The following CHFR variants were observed in gnomAD, a reference collection of about 807,000 sequenced individuals.
CHFR encodes E3 ubiquitin-protein ligase CHFR.
Under a neutral mutation model 87.6 loss-of-function variants are expected in CHFR, and 57 were observed. The observed-to-expected ratio is 0.65, with a 90% CI of 0.53 to 0.81. The LOEUF (loss-of-function observed/expected upper bound fraction) is 0.81. Ranked by LOEUF, CHFR falls within the 30% of genes least tolerant of loss-of-function variation. CHFR has a pLI of 0.00. For missense variants in CHFR, 797 were observed against 865.8 expected (o/e 0.92, Z 1.00); for synonymous variants, 381 against 359.2 (o/e 1.06, Z -0.69).
At position 132,877,591 on chromosome 12, in the gene CHFR, TCCA is replaced by T; in HGVS notation, c.194_196del (p.Val65del). The T allele has an allele frequency of 6.2e-7, 1 of 1,613,518 alleles. No homozygotes were observed. The highest frequency in any genetic ancestry group is 8.5e-7 in the Non-Finnish European group (1 of 1,179,666). On this transcript the variant is annotated inframe_deletion, in exon 3 of 18. Coordinates refer to ENST00000450056, the MANE Select transcript of CHFR (RefSeq NM_001161346.2). Reference sequence around the variant, plus strand: ...CAGTGTCACCTGACCTGATTTTTCATCCACTACAATTCTACAGTGATCTCCAGA... The same window carrying T: ...CAGTGTCACCTGACCTGATTTTTCATCTACAATTCTACAGTGATCTCCAGA...
At chr12:132,846,955 T>G in intron 15 of CHFR, 88 bp downstream of exon 15, 1 of 907,794 alleles carries the variant, frequency 1.1e-6, no homozygotes, top group Non-Finnish European at 1.8e-6. Flanking sequence ...TGGGTGAAGG[T>G]CGGAGTTGTC....
Position 132,853,593 on chromosome 12 carries a change from C to G in CHFR, c.1230-20G>C. 6.6e-7 allele frequency: 1 copy of G among 1,519,764 alleles called. No individual in the cohort carries two copies. The highest frequency in any genetic ancestry group is 8.8e-7 in the Non-Finnish European group (1 of 1,138,820). The allele number at this position is 1,519,764 out of a possible 1,614,324, so 94.1% of individuals were successfully genotyped here. A position where few individuals can be genotyped will look rare whatever the true frequency, so the allele number is the denominator to read the frequency against. ...GGCTGGCTGCAAGGAAGCACAGGGC[C>G]GAGCTGTGTGCAGGCCCCAAGCCTC... is the stretch of plus-strand genomic sequence containing the variant. On this transcript the variant is annotated intron_variant, in intron 10 of 17. Transcript: ENST00000450056.
In CHFR at chr12:132,837,673, G is replaced by C. The variant is rs746029516; in HGVS notation, c.*3881C>G. 1 of 152,342 alleles carries C rather than the reference G, an allele frequency of 6.6e-6. No homozygotes were observed. Among genetic ancestry groups the C allele is most frequent in the Non-Finnish European group, 1.5e-5 (1 of 68,130 alleles). 9.4% of individuals were successfully genotyped at this position (152,342 alleles called of 1,614,324 possible). ...CGTTTCTGGAGGTGGCTCCCCCGAAGATCACCCGGCTCCGTCCTGCTGCTG... is the reference window on the plus strand; with the variant it reads ...CGTTTCTGGAGGTGGCTCCCCCGAACATCACCCGGCTCCGTCCTGCTGCTG... On this transcript the variant is annotated 3_prime_UTR_variant, in exon 18 of 18. Coordinates refer to ENST00000450056, the MANE Select transcript of CHFR (RefSeq NM_001161346.2).
At position 132,887,291 on chromosome 12, in the gene CHFR, G is replaced by A. The variant is rs1407689006; in HGVS notation, c.38C>T (p.Pro13Leu). The change falls in exon 2 of 18, where the codon CCG becomes CTG. Residue 13 changes from proline to leucine, a missense_variant. Transcript: ENST00000450056. ...RPEEGKQSPPPQPWGRLLRLG... is the reference protein window; with the variant it reads ...RPEEGKQSPPLQPWGRLLRLG... ...ACGCAGGAGCCGTCCCCAGGGCTGC[G>A]GCGGCGGCGACTGCTTGCCTTCCTC... 6.8e-7 allele frequency: 1 copy of A among 1,481,290 alleles called. No homozygotes were observed. Among genetic ancestry groups the A allele is most frequent in the Admixed American group, 2.4e-5 (1 of 42,118 alleles). 91.8% of individuals were successfully genotyped at this position (1,481,290 alleles called of 1,614,324 possible).
intron 6 of CHFR, chr12:132,862,329 A>G (rs922085688): frequency 2.8e-6 from 1 of 351,012 alleles, no homozygotes; most frequent in Admixed American, 3.8e-5. Flanking sequence ...CATGGGGCTC[A>G]CACCTGTAAT....
Position 132,847,045 on chromosome 12 carries a change from G to T in CHFR, c.1733C>A (p.Ser578Tyr). The change falls in exon 15 of 18, where the codon TCT (serine) becomes TAT (tyrosine). Residue 578 changes from serine (S) to tyrosine (Y), a missense_variant and splice_region_variant. By Grantham distance (144) the Ser-to-Tyr change is moderately radical. Around this residue, in one of 2 missense-constraint regions of CHFR, gnomAD observed 200 missense variants for 264.6 expected, o/e 0.76. Transcript: ENST00000450056. ...VALQRGVFLL[S>Y]DYRVTGDTVL... Reference sequence around the variant, plus strand: ...CAGGAGGCAACAGAAGAACTCACCAGACAGCAGAAACACTCCCCGCTGGAG... The same window carrying T: ...CAGGAGGCAACAGAAGAACTCACCATACAGCAGAAACACTCCCCGCTGGAG... 1.2e-6 allele frequency: 2 copies of T among 1,611,426 alleles called. No homozygotes were observed. The highest frequency in any genetic ancestry group is 1.7e-6 in the Non-Finnish European group (2 of 1,177,862).
At chr12:132,853,409 G>T in intron 11 of CHFR, 22 bp downstream of exon 11, 1 of 1,498,674 alleles carries the variant, frequency 6.7e-7, no homozygotes, top group South Asian at 1.3e-5. Flanking sequence ...GAAGGCTGAG[G>T]CCTGAGGGCG....
Position 132,861,522 on chromosome 12 carries a change from C to T in CHFR, c.696G>A (p.Ser232=), listed in dbSNP as rs767988129. ...LPDRKTASFS[S]LEPQDQEDLE... is the part of the protein sequence containing the mutation. ...AATCCTCCTGATCCTGGGGTTCCAACGACGAAAAGGACGCAGTCTTTCTGT... is the reference window on the plus strand; with the variant it reads ...AATCCTCCTGATCCTGGGGTTCCAATGACGAAAAGGACGCAGTCTTTCTGT... The change falls in exon 7 of 18, where the codon TCG becomes TCA. Residue 232 remains serine, a synonymous_variant. Transcript: ENST00000450056. The T allele has an allele frequency of 3.7e-6, 6 of 1,614,200 alleles. No homozygotes were observed. The highest frequency in any genetic ancestry group is 2.2e-5 in the East Asian group (1 of 44,886).
At position 132,848,673 on chromosome 12, in the gene CHFR, G is replaced by T. The variant is rs1252629926; in HGVS notation, c.1544C>A (p.Thr515Asn). 4.4e-6 allele frequency: 7 copies of T among 1,596,978 alleles called. No individual in the cohort carries two copies. Among genetic ancestry groups the T allele is most frequent in the Non-Finnish European group, 6.0e-6 (7 of 1,172,112 alleles). Residue 515 changes from threonine to asparagine, a missense_variant, in exon 13 of 18, where the codon ACC becomes AAC. By Grantham distance (65) the Thr-to-Asn change is moderately conservative. This residue lies in a region of CHFR where 200 missense variants were observed against 264.6 expected (regional missense o/e 0.76). Transcript: ENST00000450056. ...FCHLYWGCTR[T>N]GCYGCLAPFC... The stretch of plus-strand genomic sequence containing the variant: ...CGGGGCCAGGCAGCCGTAGCAGCCG[G>T]TCCGGGTGCAGCCCCAGTACAGGTG...
intron 2 of CHFR, 88 bp downstream of exon 2, chr12:132,887,108 C>T: frequency 3.5e-6 from 4 of 1,130,540 alleles, no homozygotes; most frequent in Admixed American, 3.8e-5. Context: ...AAATCTGGAG[C>T]GCACACTGCA....
rs1290108510 is a variant in CHFR at position 132,837,190 on chromosome 12, T to C, written c.*4364A>G. On this transcript the variant is annotated 3_prime_UTR_variant, in exon 18 of 18. Transcript: ENST00000450056. ...GAGGGGTGGAGGCAGGGGTCATACA[T>C]GCTGGGCCTTCAAGGGCCATGATAT... The C allele has an allele frequency of 1.6e-5, 4 of 255,902 alleles. No homozygotes were observed. The Admixed American group carries it at 2.1e-4, about 13-fold the overall frequency. 15.9% of individuals were successfully genotyped at this position (255,902 alleles called of 1,614,324 possible). A position where few individuals can be genotyped will look rare whatever the true frequency, so the allele number is the denominator to read the frequency against.
rs1486986895 is a variant in CHFR, at chr12:132,876,372, CACCA to C, written c.233+1179_233+1182del. Among the ~76,000 whole-genome samples the C allele has an allele frequency of 4.6e-5, 7 of 152,228 alleles. No individual in the cohort carries two copies. The East Asian group carries it at 1.3e-3, about 29-fold the overall frequency. On this transcript the variant is annotated intron_variant, in intron 3 of 17. Transcript: ENST00000450056. ...AATGTGAAATCCAAAACTTTTTGAG[CACCA>C]ACAAGACACTCAAAAAAATACTCAC...
At chr12:132,884,231 G>A (rs1440406775) in intron 2 of CHFR, among the ~76,000 whole-genome samples, 1 of 151,884 alleles carries the variant, frequency 6.6e-6, no homozygotes, top group Non-Finnish European at 1.5e-5. Flanking sequence ...CCAGCCTGAC[G>A]AACATGGAGA....
In CHFR at chr12:132,847,831, A is replaced by G. The variant is rs1270445715; in HGVS notation, c.1647+254T>C. On this transcript the variant is annotated intron_variant, in intron 14 of 17. Coordinates refer to ENST00000450056, the MANE Select transcript of CHFR (RefSeq NM_001161346.2). ...AGCTGCCGGGAACAAGAGCTGCGGG[A>G]AGCGGCTCCTACGAATTGGTGGCAG... 2.6e-5 allele frequency: 35 copies of G among 1,339,312 alleles called. 1 individual carries two copies. The highest frequency in any genetic ancestry group is 2.1e-5 in the Non-Finnish European group (22 of 1,040,082). The allele number at this position is 1,339,312 out of a possible 1,614,324, so 83.0% of individuals were successfully genotyped here.
At chr12:132,863,209 TAA>T (rs749209980) in intron 6 of CHFR, among the ~76,000 whole-genome samples, 9 of 129,664 alleles carry the variant, frequency 6.9e-5, no homozygotes, top group Admixed American at 1.5e-4. Context: ...CCTCATTTCT[TAA>T]AAAAAAAAAA....
At position 132,848,679 on chromosome 12, in the gene CHFR, G is replaced by A. The variant is rs766020195; in HGVS notation, c.1538C>T (p.Thr513Ile). 5.6e-6 allele frequency: 9 copies of A among 1,597,100 alleles called. No individual in the cohort carries two copies. The highest frequency in any genetic ancestry group is 1.7e-5 in the Admixed American group (1 of 57,698). Reference sequence around the variant, plus strand: ...CAGGCAGCCGTAGCAGCCGGTCCGGGTGCAGCCCCAGTACAGGTGGCAGAA... The same window carrying A: ...CAGGCAGCCGTAGCAGCCGGTCCGGATGCAGCCCCAGTACAGGTGGCAGAA... ...QPFCHLYWGCTRTGCYGCLAP... is the reference protein window; with the variant it reads ...QPFCHLYWGCIRTGCYGCLAP... The change falls in exon 13 of 18, where the codon ACC becomes ATC. Residue 513 changes from threonine to isoleucine, a missense_variant. By Grantham distance (89) the Thr-to-Ile change is moderately conservative. This residue lies in a region of CHFR where 200 missense variants were observed against 264.6 expected (regional missense o/e 0.76). Coordinates refer to ENST00000450056, the MANE Select transcript of CHFR (RefSeq NM_001161346.2).
intron 2 of CHFR, among the ~76,000 whole-genome samples, chr12:132,881,193 A>G (rs1393017292): frequency 1.3e-5 from 2 of 150,434 alleles, no homozygotes; most frequent in African/African-American, 4.9e-5. Context: ...TGGGAGGTGG[A>G]GGTTGCAGTG....
rs542817381 is a variant in CHFR, at chr12:132,850,283, C to A, written c.1492+1335G>T. ...CCCTAAAATATAATGTTAGGTAAAC[C>A]CTCGCTAAAATTCTCACAGGATTGA... is the stretch of plus-strand genomic sequence containing the variant. On this transcript the variant is annotated intron_variant, in intron 12 of 17. Transcript: ENST00000450056. Among the ~76,000 whole-genome samples the A allele has an allele frequency of 4.6e-5, 7 of 152,222 alleles. No homozygotes were observed. The South Asian group carries it at 1.5e-3, about 32-fold the overall frequency.
chr12:132,859,533 G>T (rs1167175874), intron 7 of CHFR, among the ~76,000 whole-genome samples: 1 of 152,034 alleles, frequency 6.6e-6, no homozygotes, highest in Non-Finnish European at 1.5e-5. Context: ...TGTATTTTTA[G>T]TAGAGACAGG....
Sources: gnomAD v4.1 joint callset for allele counts (sites outside exome capture counted in the v4.1 genomes callset) on GRCh38, gnomAD v4.1.1 for gene constraint, gnomAD v4.1.1 regional missense constraint, MANE v1.5 for transcripts, NCBI Gene and HGNC (gene_info 2026-07-23, HGNC 2026-07-21) for gene names.